Variants in TMEM116 observed in about 807,000 individuals in gnomAD.
The protein encoded by TMEM116 is transmembrane protein 116.
In TMEM116, 38 loss-of-function variants were observed where a neutral mutation model predicts 44.3. That is an observed-to-expected ratio of 0.86 (90% CI 0.66 to 1.12). The LOEUF is 1.12. Ranked by LOEUF, TMEM116 falls within the 50% of genes most tolerant of loss-of-function variation. The pLI is 0.00. For missense variants in TMEM116, 354 were observed against 401.7 expected, an observed-to-expected ratio of 0.88 and a Z score of 1.01; for synonymous variants, 132 against 144.8, an observed-to-expected ratio of 0.91 and a Z score of 0.64.
intron 4 of TMEM116, among the ~76,000 whole-genome samples, chr12:111,985,282 A>G (rs1445361899): frequency 4.6e-5 from 7 of 151,368 alleles, no homozygotes; most frequent in Non-Finnish European, 8.8e-5. Context: ...AAGATTACAC[A>G]CACACACACA....
At chr12:111,961,141 G>A (rs903094114) in intron 4 of TMEM116, among the ~76,000 whole-genome samples, 1 of 152,172 alleles carries the variant, frequency 6.6e-6, no homozygotes, top group Admixed American at 6.5e-5. Flanking sequence ...GTGAATCCCT[G>A]AATAGACCAA....
At chr12:111,979,923 G>A (rs951371446) in intron 4 of TMEM116, among the ~76,000 whole-genome samples, 1 of 152,140 alleles carries the variant, frequency 6.6e-6, no homozygotes, top group Non-Finnish European at 1.5e-5. Context: ...CCAAAACACT[G>A]AAACCAAGTG....
At chr12:112,003,888 T>A (rs1176672847) in intron 2 of TMEM116, 25 bp from the exon 3 acceptor site, 1 of 1,484,514 alleles carries the variant, frequency 6.7e-7, no homozygotes, top group East Asian at 2.6e-5. Context: ...AGATGATTGA[T>A]CATTAAAGCA....
intron 3 of TMEM116, chr12:111,993,723 G>A: frequency 3.1e-6 from 2 of 645,710 alleles, no homozygotes; most frequent in Non-Finnish European, 6.0e-6. Context: ...ACAAGTTTGT[G>A]GTTCGGAAGC....
At chr12:112,000,815 T>C (rs1022782691) in intron 3 of TMEM116, 4 of 515,660 alleles carry the variant, frequency 7.8e-6, no homozygotes, top group East Asian at 5.5e-5. Flanking sequence ...TTGTTACAGA[T>C]TGAATACGGT....
At chr12:111,956,567 G>C (rs1460604901) in intron 4 of TMEM116, among the ~76,000 whole-genome samples, 1 of 152,144 alleles carries the variant, frequency 6.6e-6, no homozygotes, top group Non-Finnish European at 1.5e-5. Flanking sequence ...ATGCCGAGCC[G>C]AGGCTGGACT....
chr12:111,959,358 T>C (rs2074405033), intron 4 of TMEM116, among the ~76,000 whole-genome samples: 1 of 152,076 alleles, frequency 6.6e-6, no homozygotes, highest in Non-Finnish European at 1.5e-5. Flanking sequence ...GCACTAAACA[T>C]GGAAAGGAAC....
At chr12:111,969,308 G>A (rs1478476642) in intron 4 of TMEM116, among the ~76,000 whole-genome samples, 6 of 134,012 alleles carry the variant, frequency 4.5e-5, no homozygotes, top group African/African-American at 8.6e-5. Flanking sequence ...CAACAAGAGC[G>A]ACGCTCCATC....
At chr12:111,949,300 T>C (rs1400335254) in intron 4 of TMEM116, among the ~76,000 whole-genome samples, 1 of 152,240 alleles carries the variant, frequency 6.6e-6, no homozygotes, top group African/African-American at 2.4e-5. Context: ...CTTATTCTTA[T>C]AACAATATAG....
chr12:111,956,119 A>C (rs2074068079), intron 4 of TMEM116, among the ~76,000 whole-genome samples: 1 of 152,224 alleles, frequency 6.6e-6, no homozygotes, highest in African/African-American at 2.4e-5. Context: ...GTTCCAGTTC[A>C]GTGAAGTGGC....
Position 111,970,432 on chromosome 12 carries a change from T to G in TMEM116, c.210+21326A>C, listed in dbSNP as rs2075267237. On this transcript the variant is annotated intron_variant, in intron 4 of 10. Transcript: ENST00000552374. ...CTGAAAGCAGTTTAGGTGGTAGGAA[T>G]GAGAAAAATATTTCTTCAAATATTT... Among the ~76,000 whole-genome samples, 3 of 152,054 alleles carry G rather than the reference T, an allele frequency of 2.0e-5. No homozygotes were observed. In the South Asian group the frequency reaches 6.2e-4, roughly 31 times the overall value.
chr12:112,000,944 G>A lies in TMEM116; in HGVS notation c.78+2856C>T, dbSNP rs548097239. 1.3e-3 allele frequency: 490 copies of A among 388,996 alleles called. 6 individuals carry two copies. Among genetic ancestry groups the A allele is most frequent in the Non-Finnish European group, 3.9e-4 (76 of 194,554 alleles). 24.1% of individuals were successfully genotyped at this position (388,996 alleles called of 1,614,324 possible). On this transcript the variant is annotated intron_variant, in intron 3 of 10. Coordinates refer to ENST00000552374, the MANE Select transcript of TMEM116 (RefSeq NM_001193531.2). ...GCAGCATGGCGATGGCACTGACACA[G>A]AGCAGGGCTGCCTGCAGCAGTCAGT...
rs2075888714 is a variant in TMEM116, at chr12:111,980,707, T to C, written c.210+11051A>G. 2.6e-5 allele frequency among the ~76,000 whole-genome samples: 4 copies of C among 152,144 alleles called. No individual in the cohort carries two copies. In the South Asian group the frequency reaches 8.3e-4, roughly 31 times the overall value. ...AGGGAACTCTGTAGTATTTGCCCGA[T>C]TTTTCTGTAAATCTAAAACTGTTCT... On this transcript the variant is annotated intron_variant, in intron 4 of 10. Coordinates refer to ENST00000552374, the MANE Select transcript of TMEM116 (RefSeq NM_001193531.2).
intron 4 of TMEM116, among the ~76,000 whole-genome samples, chr12:111,956,264 G>A (rs2074079722): frequency 6.6e-6 from 1 of 152,090 alleles, no homozygotes; most frequent in Non-Finnish European, 1.5e-5. Context: ...TATAAGAAGT[G>A]AACAAATCTC....
At chr12:112,005,794 G>A (rs975647210) in intron 1 of TMEM116, 1 of 893,206 alleles carries the variant, frequency 1.1e-6, no homozygotes, top group Non-Finnish European at 1.3e-6. Context: ...AAATACTAGA[G>A]TTCACTGATA....
intron 4 of TMEM116, among the ~76,000 whole-genome samples, chr12:111,982,303 C>A (rs978844469): frequency 7.0e-6 from 1 of 143,802 alleles, no homozygotes; most frequent in African/African-American, 2.6e-5. Flanking sequence ...TAAATGCATA[C>A]CTTTTTTTTT....
chr12:112,004,869 C>CA (rs1470689119), intron 2 of TMEM116, among the ~76,000 whole-genome samples: 2 of 152,052 alleles, frequency 1.3e-5, no homozygotes, highest in African/African-American at 4.8e-5. Context: ...AGGATGGTCT[C>CA]AAACTCCTGA....
chr12:112,002,564 CAAAAAAAA>C (rs11318946), intron 3 of TMEM116, among the ~76,000 whole-genome samples: 2 of 107,424 alleles, frequency 1.9e-5, no homozygotes, highest in Non-Finnish European at 4.0e-5. Flanking sequence ...GACTCCATCT[CAAAAAAAA>C]AAAAAAGAAA....
At chr12:111,949,479 A>C (rs535401178) in intron 4 of TMEM116, among the ~76,000 whole-genome samples, 1 of 152,334 alleles carries the variant, frequency 6.6e-6, no homozygotes, top group East Asian at 1.9e-4. Flanking sequence ...TAGACTTAAG[A>C]ACTTTTTAAA....
Sources: gnomAD v4.1 joint callset for allele counts (sites outside exome capture counted in the v4.1 genomes callset) on GRCh38, gnomAD v4.1.1 for gene constraint, MANE v1.5 for transcripts, NCBI Gene and HGNC (gene_info 2026-07-23, HGNC 2026-07-21) for gene names.